Variants in AGK observed in about 807,000 individuals in gnomAD.
The protein encoded by AGK is acylglycerol kinase, mitochondrial.
In AGK, 52 loss-of-function variants were observed where a neutral mutation model predicts 66.4. The observed-to-expected ratio is 0.78, with a 90% CI of 0.63 to 0.99. The LOEUF is 0.99. Among genes scored for constraint, AGK ranks in the 50% least tolerant of loss-of-function variants. AGK has a pLI of 0.00. For missense variants in AGK, 451 were observed against 506.6 expected, an observed-to-expected ratio of 0.89 and a Z score of 1.05; for synonymous variants, 182 against 181.1, an observed-to-expected ratio of 1.00 and a Z score of -0.04.
At position 141,652,803 on chromosome 7, in the gene AGK, TTAGCA is replaced by T. The variant is rs773677513; in HGVS notation, c.1150_1154del (p.Ser384Ter). Reference sequence around the variant, plus strand: ...TCTCCCCAGGGAGCAGGGGGCTCTTTTAGCATTGACAGTGAGGAGTATGAAGCGAT... The same window carrying T: ...TCTCCCCAGGGAGCAGGGGGCTCTTTTTGACAGTGAGGAGTATGAAGCGAT... On this transcript the variant is annotated frameshift_variant, in exon 16 of 16. Coordinates refer to ENST00000649286, the MANE Select transcript of AGK (RefSeq NM_018238.4). LOFTEE classifies it high-confidence loss of function. The T allele has an allele frequency of 1.5e-5, 24 of 1,613,398 alleles. No homozygotes were observed. The highest frequency in any genetic ancestry group is 1.9e-5 in the Non-Finnish European group (22 of 1,179,994).
intron 9 of AGK, among the ~76,000 whole-genome samples, chr7:141,631,628 CT>C (rs1275434471): frequency 6.6e-6 from 1 of 152,080 alleles, no homozygotes; most frequent in Non-Finnish European, 1.5e-5. Flanking sequence ...TCCCAGCTGC[CT>C]TCATCTTTTA....
At chr7:141,574,532 T>A (rs975202578) in intron 2 of AGK, among the ~76,000 whole-genome samples, 4 of 152,222 alleles carry the variant, frequency 2.6e-5, no homozygotes, top group African/African-American at 7.2e-5. Flanking sequence ...ACAGGCTTCC[T>A]CCACTTCCAT....
At chr7:141,580,828 T>C (rs886944058) in intron 2 of AGK, among the ~76,000 whole-genome samples, 2 of 151,980 alleles carry the variant, frequency 1.3e-5, no homozygotes, top group African/African-American at 4.8e-5. Flanking sequence ...CAGCTGTATG[T>C]AATGAAAAGG....
intron 9 of AGK, among the ~76,000 whole-genome samples, chr7:141,627,024 TATACAC>T (rs1384475218): frequency 6.6e-6 from 1 of 152,162 alleles, no homozygotes; most frequent in African/African-American, 2.4e-5. Context: ...CTGGAGAACA[TATACAC>T]ATAGATAAAG....
chr7:141,610,659 C>CT (rs1466094788), intron 5 of AGK, among the ~76,000 whole-genome samples: 1 of 152,162 alleles, frequency 6.6e-6, no homozygotes, highest in African/African-American at 2.4e-5. Context: ...TTACATACTG[C>CT]TTTACAACTG....
At chr7:141,650,536 T>C in intron 14 of AGK, 1 of 985,478 alleles carries the variant, frequency 1.0e-6, no homozygotes, top group South Asian at 4.7e-5. Context: ...GAAGCTGCGT[T>C]AGAAAACTCT....
intron 5 of AGK, among the ~76,000 whole-genome samples, chr7:141,605,309 G>A (rs1054022568): frequency 6.6e-6 from 1 of 152,040 alleles, no homozygotes; most frequent in Non-Finnish European, 1.5e-5. Context: ...AGTCAACCCC[G>A]CTTTTATTCT....
intron 1 of AGK, among the ~76,000 whole-genome samples, chr7:141,554,357 A>C (rs969569024): frequency 6.6e-6 from 1 of 151,144 alleles, no homozygotes; most frequent in Non-Finnish European, 1.5e-5. Flanking sequence ...AAAAAAAAAA[A>C]TTGTTTTTGT....
intron 2 of AGK, among the ~76,000 whole-genome samples, chr7:141,587,324 G>A (rs1796014877): frequency 6.6e-6 from 1 of 152,166 alleles, no homozygotes; most frequent in Non-Finnish European, 1.5e-5. Context: ...AGTTTCACTA[G>A]ATTCAGTCTT....
At chr7:141,602,047 T>C (rs1796356681) in intron 5 of AGK, among the ~76,000 whole-genome samples, 1 of 152,142 alleles carries the variant, frequency 6.6e-6, no homozygotes, top group African/African-American at 2.4e-5. Flanking sequence ...TTTGAGTACC[T>C]GTAATGTGGC....
intron 5 of AGK, among the ~76,000 whole-genome samples, chr7:141,610,799 T>C (rs1796568568): frequency 6.6e-6 from 1 of 152,230 alleles, no homozygotes; most frequent in East Asian, 1.9e-4. Context: ...CCAGGTCTCT[T>C]GGGCTCTGAC....
At chr7:141,553,258 C>T (rs899720100) in intron 1 of AGK, among the ~76,000 whole-genome samples, 2 of 152,148 alleles carry the variant, frequency 1.3e-5, no homozygotes, top group Admixed American at 6.6e-5. Context: ...AATTATCTCC[C>T]GAAGGCTCTA....
chr7:141,643,048 T>C (rs1257704990), intron 13 of AGK, among the ~76,000 whole-genome samples: 1 of 152,196 alleles, frequency 6.6e-6, no homozygotes, highest in Non-Finnish European at 1.5e-5. Context: ...GTCTGAAAAT[T>C]AGCAGATGGA....
intron 13 of AGK, 25 bp from the exon 14 acceptor site, chr7:141,649,238 A>G: frequency 6.4e-7 from 1 of 1,556,624 alleles, no homozygotes; most frequent in Non-Finnish European, 8.9e-7. Context: ...AAGAGTAATG[A>G]CGTTAGTGTT....
At chr7:141,596,702 C>G (rs1403025757) in intron 4 of AGK, 61 bp downstream of exon 4, 1 of 1,424,442 alleles carries the variant, frequency 7.0e-7, no homozygotes, top group African/African-American at 1.4e-5. Flanking sequence ...AAATCACAGA[C>G]TATCAGGCAG....
At chr7:141,632,292 T>C (rs1403178209) in intron 9 of AGK, among the ~76,000 whole-genome samples, 3 of 152,090 alleles carry the variant, frequency 2.0e-5, no homozygotes, top group Non-Finnish European at 4.4e-5. Context: ...CTCAATGTCT[T>C]TGGGCTGTTT....
At chr7:141,589,486 T>G (rs955439125) in intron 2 of AGK, among the ~76,000 whole-genome samples, 5 of 152,204 alleles carry the variant, frequency 3.3e-5, no homozygotes, top group African/African-American at 1.2e-4. Flanking sequence ...TGTGTTTGAT[T>G]TTTAGGAATA....
chr7:141,633,670 G>C (rs1175070671), intron 9 of AGK, among the ~76,000 whole-genome samples: 1 of 152,142 alleles, frequency 6.6e-6, no homozygotes, highest in African/African-American at 2.4e-5. Flanking sequence ...ATGTTCCCCT[G>C]CCAGCAGATT....
intron 13 of AGK, among the ~76,000 whole-genome samples, chr7:141,647,119 A>G (rs555249200): frequency 7.2e-6 from 1 of 139,624 alleles, no homozygotes; most frequent in East Asian, 2.1e-4. Context: ...AGAGCAGATC[A>G]TTGCTCCTGG....
Sources: gnomAD v4.1 joint callset for allele counts (sites outside exome capture counted in the v4.1 genomes callset) on GRCh38, gnomAD v4.1.1 for gene constraint, MANE v1.5 for transcripts, NCBI Gene and HGNC (gene_info 2026-07-23, HGNC 2026-07-21) for gene names.